Variants in RBMS3 observed in about 807,000 individuals in gnomAD.
RBMS3 encodes RNA binding motif single stranded interacting protein 3, also known as RNA-binding motif, single-stranded-interacting protein 3.
A neutral mutation model predicts 66.8 loss-of-function variants in RBMS3; 27 were observed. That is an observed-to-expected ratio of 0.40 (90% confidence interval 0.30 to 0.56). The LOEUF is 0.56. RBMS3 is among the 20% of genes least tolerant of loss of function. RBMS3 has a pLI of 0.40. For missense variants in RBMS3, 513 were observed against 549.5 expected (o/e 0.93, Z 0.66); for synonymous variants, 188 against 183.0 (o/e 1.03, Z -0.22).
intron 4 of RBMS3, among the ~76,000 whole-genome samples, chr3:29,709,798 CTATATT>C (rs1391991089): frequency 6.6e-6 from 1 of 152,040 alleles, no homozygotes; most frequent in Admixed American, 6.5e-5. Context: ...TTGAAAAAGT[CTATATT>C]TATATTTAAT....
chr3:29,947,368 T>C lies in RBMS3; in HGVS notation c.1098+3114T>C, dbSNP rs192775539. ...TAATAAATTATACATGGCTCAAGAATATTTTACTTAGGAAGAGTCTGAGTT... is the reference window on the plus strand; with the variant it reads ...TAATAAATTATACATGGCTCAAGAACATTTTACTTAGGAAGAGTCTGAGTT... On this transcript the variant is annotated intron_variant, in intron 12 of 14. Coordinates refer to ENST00000383767, the MANE Select transcript of RBMS3 (RefSeq NM_001003793.3). Among the ~76,000 whole-genome samples, 168 of 151,782 alleles carry C rather than the reference T, an allele frequency of 1.1e-3. 3 individuals are homozygous for C. Among genetic ancestry groups the C allele is most frequent in the African/African-American group, 3.4e-3 (143 of 41,480 alleles).
At chr3:29,323,726 A>ACACC (rs71091051) in intron 1 of RBMS3, among the ~76,000 whole-genome samples, 8,244 of 140,390 alleles carry the variant, frequency 0.059, 271 homozygotes, top group Middle Eastern at 0.091. Flanking sequence ...ACACACACAC[A>ACACC]CCCCTTGGAC....
intron 10 of RBMS3, among the ~76,000 whole-genome samples, chr3:29,919,516 C>A (rs574018941): frequency 1.4e-4 from 22 of 152,212 alleles, no homozygotes; most frequent in Non-Finnish European, 2.8e-4. Flanking sequence ...TGAAGTCAAT[C>A]ATTGCTCCAT....
intron 3 of RBMS3, among the ~76,000 whole-genome samples, chr3:29,565,315 A>G (rs2046703312): frequency 6.6e-6 from 1 of 152,174 alleles, no homozygotes; most frequent in African/African-American, 2.4e-5. Context: ...CATAAAGAAA[A>G]AACTTCTGGC....
intron 14 of RBMS3, among the ~76,000 whole-genome samples, chr3:29,993,019 G>T (rs936579692): frequency 2.0e-5 from 3 of 152,144 alleles, no homozygotes; most frequent in Admixed American, 2.0e-4. Context: ...TACATTAAGA[G>T]ATTTGTTTGT....
intron 3 of RBMS3, among the ~76,000 whole-genome samples, chr3:29,505,407 C>G (rs1020375438): frequency 6.6e-6 from 1 of 151,462 alleles, no homozygotes; most frequent in African/African-American, 2.4e-5. Flanking sequence ...TTCTGTTCCA[C>G]TGATCTATGT....
At position 29,409,865 on chromosome 3, in the gene RBMS3, A is replaced by G. The variant is rs540968918; in HGVS notation, c.76-24878A>G. ...TAACACATAATGTAATGCTACTTAAATTAATTGATTTTTTTTTCATTACTT... is the reference window on the plus strand; with the variant it reads ...TAACACATAATGTAATGCTACTTAAGTTAATTGATTTTTTTTTCATTACTT... On this transcript the variant is annotated intron_variant, in intron 1 of 14. Coordinates refer to ENST00000383767, the MANE Select transcript of RBMS3 (RefSeq NM_001003793.3). Among the ~76,000 whole-genome samples the G allele has an allele frequency of 2.6e-5, 4 of 152,320 alleles. No homozygotes were observed. In the East Asian group the frequency reaches 7.7e-4, roughly 29 times the overall value.
intron 4 of RBMS3, chr3:29,697,144 T>C: frequency 2.1e-6 from 2 of 974,752 alleles, no homozygotes; most frequent in Non-Finnish European, 2.4e-6. Flanking sequence ...TCTTATACAG[T>C]AATATGGATC....
At chr3:29,894,786 T>G (rs961057452) in intron 8 of RBMS3, among the ~76,000 whole-genome samples, 3 of 151,558 alleles carry the variant, frequency 2.0e-5, no homozygotes, top group Non-Finnish European at 3.0e-5. Context: ...GGGACAGACA[T>G]GGCAGTTGCT....
chr3:29,888,933 T>A (rs112312694), intron 8 of RBMS3, among the ~76,000 whole-genome samples: 1 of 151,716 alleles, frequency 6.6e-6, no homozygotes, highest in Non-Finnish European at 1.5e-5. Context: ...TACACTAAGC[T>A]TTTTACTCCC....
At chr3:29,767,214 A>T (rs2055968107) in intron 6 of RBMS3, 1 of 151,964 alleles carries the variant, frequency 6.6e-6, no homozygotes, top group South Asian at 2.1e-4. Context: ...CATGCGGAAA[A>T]GGTTTTCACA....
At position 29,573,755 on chromosome 3, in the gene RBMS3, G is replaced by GTTATGT. The variant is rs200193710; in HGVS notation, c.308-13356_308-13351dup. On this transcript the variant is annotated intron_variant, in intron 3 of 14. Transcript: ENST00000383767. ...TTCTGTATTCCATAGGTTTTGATAT[G>GTTATGT]TTATGTTTCCATTATCATTTGTTTC... is the stretch of plus-strand genomic sequence containing the variant. 2.0e-3 allele frequency among the ~76,000 whole-genome samples: 298 copies of GTTATGT among 151,982 alleles called. 6 individuals are homozygous for GTTATGT. The East Asian group carries it at 0.054, about 28-fold the overall frequency.
At chr3:29,327,056 G>C (rs1422116670) in intron 1 of RBMS3, among the ~76,000 whole-genome samples, 1 of 152,088 alleles carries the variant, frequency 6.6e-6, no homozygotes, top group Non-Finnish European at 1.5e-5. Flanking sequence ...ATGGAAGGAA[G>C]TATTTTAAAA....
chr3:29,491,184 C>T (rs772260299), intron 3 of RBMS3, among the ~76,000 whole-genome samples: 3 of 152,088 alleles, frequency 2.0e-5, no homozygotes, highest in Admixed American at 6.6e-5. Context: ...ATAGTGGGAG[C>T]GTGGGTGCTT....
chr3:29,680,299 CAG>C (rs2051432916), intron 4 of RBMS3, among the ~76,000 whole-genome samples: 1 of 152,218 alleles, frequency 6.6e-6, no homozygotes, highest in Non-Finnish European at 1.5e-5. Context: ...TTTTGCCTAA[CAG>C]AAGTGCTGGG....
chr3:29,850,813 A>G (rs776539084), intron 6 of RBMS3, among the ~76,000 whole-genome samples: 7 of 152,194 alleles, frequency 4.6e-5, no homozygotes, highest in Non-Finnish European at 7.3e-5. Context: ...CTCCTCAGGC[A>G]TCCTGCTAGC....
chr3:29,312,054 A>G (rs901303294), intron 1 of RBMS3, among the ~76,000 whole-genome samples: 2 of 151,790 alleles, frequency 1.3e-5, no homozygotes, highest in African/African-American at 4.8e-5. Flanking sequence ...GTCCATCTGC[A>G]TGGTAGAGAG....
chr3:29,321,846 C>T (rs760237016), intron 1 of RBMS3, among the ~76,000 whole-genome samples: 1 of 152,120 alleles, frequency 6.6e-6, no homozygotes, highest in Non-Finnish European at 1.5e-5. Flanking sequence ...CACACTCGTC[C>T]TCTCTGAGTG....
chr3:29,707,885 T>C (rs1033381317), intron 4 of RBMS3, among the ~76,000 whole-genome samples: 4 of 152,204 alleles, frequency 2.6e-5, no homozygotes, highest in Non-Finnish European at 5.9e-5. Context: ...TAGTTATATG[T>C]TGTGATGCTT....
Sources: gnomAD v4.1 joint callset for allele counts (sites outside exome capture counted in the v4.1 genomes callset) on GRCh38, gnomAD v4.1.1 for gene constraint, MANE v1.5 for transcripts, NCBI Gene and HGNC (gene_info 2026-07-23, HGNC 2026-07-21) for gene names.